LRP1B: variants seen among roughly 807,000 people sequenced by gnomAD.
The protein encoded by LRP1B is LDL receptor related protein 1B.
LRP1B carries 217 observed loss-of-function variants against 556.6 expected under a neutral mutation model. The ratio of observed to expected loss-of-function variants is 0.39; its 90% CI spans 0.35 to 0.44. The LOEUF (loss-of-function observed/expected upper bound fraction) is 0.44. Ranked by LOEUF, LRP1B falls within the 20% of genes least tolerant of loss-of-function variation. LRP1B has a pLI of 1.00. For missense variants in LRP1B, 5,053 were observed against 5,620.8 expected (o/e 0.90, Z 3.23); for synonymous variants, 2,047 against 1,865.8 (o/e 1.10, Z -2.50).
At chr2:141,511,259 A>T (rs928457019) in intron 2 of LRP1B, among the ~76,000 whole-genome samples, 4 of 152,132 alleles carry the variant, frequency 2.6e-5, no homozygotes, top group Non-Finnish European at 5.9e-5. Flanking sequence ...CTAATTAGGG[A>T]TACAATCTTT....
chr2:140,736,544 A>G (rs1433335675), intron 35 of LRP1B, among the ~76,000 whole-genome samples: 1 of 152,188 alleles, frequency 6.6e-6, no homozygotes, highest in African/African-American at 2.4e-5. Context: ...AGACCAATGG[A>G]ATAGAACAGA....
Position 140,465,358 on chromosome 2 carries a change from G to A in LRP1B, c.9626-7707C>T, listed in dbSNP as rs144664472. Among the ~76,000 whole-genome samples, 385 of 152,254 alleles carry A rather than the reference G, an allele frequency of 2.5e-3. 2 individuals are homozygous for A. The highest frequency in any genetic ancestry group is 8.9e-3 in the African/African-American group (369 of 41,570). ...GAAAAAATATCCAAACTGTATCAGT[G>A]TTCTAGGTAGTCCCAGCAAAAAGGA... is the stretch of plus-strand genomic sequence containing the variant. On this transcript the variant is annotated intron_variant, in intron 60 of 90. Transcript: ENST00000389484.
At chr2:140,701,399 C>T (rs184624878) in intron 40 of LRP1B, among the ~76,000 whole-genome samples, 2 of 151,948 alleles carry the variant, frequency 1.3e-5, no homozygotes, top group Non-Finnish European at 2.9e-5. Context: ...TATTAATATC[C>T]TACTTATGCT....
intron 27 of LRP1B, among the ~76,000 whole-genome samples, chr2:140,855,156 G>T (rs1015088407): frequency 1.3e-4 from 20 of 151,936 alleles, no homozygotes; most frequent in Non-Finnish European, 1.2e-4. Flanking sequence ...TACAATAGTG[G>T]ACGAGTTCTT....
At chr2:141,915,419 C>A (rs919690685) in intron 1 of LRP1B, among the ~76,000 whole-genome samples, 8 of 151,888 alleles carry the variant, frequency 5.3e-5, no homozygotes, top group Non-Finnish European at 1.0e-4. Context: ...ATATGGTGAA[C>A]CTTTCACCAT....
chr2:140,490,446 T>C (rs1688651566), intron 57 of LRP1B, among the ~76,000 whole-genome samples: 1 of 152,148 alleles, frequency 6.6e-6, no homozygotes, highest in African/African-American at 2.4e-5. Flanking sequence ...AGATTGTTAC[T>C]GACTACAACA....
At chr2:140,927,580 C>T (rs1694923573) in intron 20 of LRP1B, among the ~76,000 whole-genome samples, 1 of 151,762 alleles carries the variant, frequency 6.6e-6, no homozygotes, top group Non-Finnish European at 1.5e-5. Flanking sequence ...TGCTGTTCAG[C>T]CTGTTTGTTT....
intron 3 of LRP1B, among the ~76,000 whole-genome samples, chr2:141,425,407 T>A (rs1409254833): frequency 6.7e-6 from 1 of 150,186 alleles, no homozygotes; most frequent in Non-Finnish European, 1.5e-5. Context: ...TATAGCAGCA[T>A]GACTTATATT....
chr2:141,071,240 A>G lies in LRP1B; in HGVS notation c.1014-8967T>C, dbSNP rs537569857. ...AAATGTAATCCAGCATATAAACAGAACCAAAGACAAAAACCACATGATTAT... is the reference window on the plus strand; with the variant it reads ...AAATGTAATCCAGCATATAAACAGAGCCAAAGACAAAAACCACATGATTAT... On this transcript the variant is annotated intron_variant, in intron 7 of 90. Transcript: ENST00000389484. 6.6e-3 allele frequency among the ~76,000 whole-genome samples: 996 copies of G among 150,112 alleles called. 9 individuals are homozygous for G. Among genetic ancestry groups the G allele is most frequent in the African/African-American group, 0.023 (924 of 40,680 alleles).
At chr2:141,939,230 G>A (rs1700723364) in intron 1 of LRP1B, among the ~76,000 whole-genome samples, 1 of 151,824 alleles carries the variant, frequency 6.6e-6, no homozygotes, top group African/African-American at 2.4e-5. Context: ...CATCAAAATG[G>A]CATGCTTTAC....
At chr2:140,564,859 T>C (rs960284718) in intron 43 of LRP1B, among the ~76,000 whole-genome samples, 4 of 152,124 alleles carry the variant, frequency 2.6e-5, no homozygotes, top group African/African-American at 9.6e-5. Context: ...GCTTAAGATA[T>C]ACTAAGTTTT....
At chr2:140,237,177 C>T (rs1433863305) in intron 89 of LRP1B, among the ~76,000 whole-genome samples, 1 of 150,888 alleles carries the variant, frequency 6.6e-6, no homozygotes, top group African/African-American at 2.4e-5. Flanking sequence ...CTTCCTCCTC[C>T]CCTCTCCACC....
intron 3 of LRP1B, among the ~76,000 whole-genome samples, chr2:141,324,028 CCACA>C (rs57105906): frequency 0.55 from 62,112 of 112,478 alleles, 17,362 homozygotes; most frequent in Middle Eastern, 0.62. Flanking sequence ...AACAAGGAAA[CCACA>C]CACACACACA....
intron 32 of LRP1B, among the ~76,000 whole-genome samples, chr2:140,787,726 A>G (rs1324748178): frequency 6.6e-6 from 1 of 151,594 alleles, no homozygotes; most frequent in East Asian, 1.9e-4. Flanking sequence ...ATGCACCACC[A>G]TGCCCAGTTA....
intron 84 of LRP1B, among the ~76,000 whole-genome samples, chr2:140,284,632 T>TC (rs1482145509): frequency 2.0e-5 from 3 of 151,682 alleles, no homozygotes; most frequent in East Asian, 3.9e-4. Context: ...TTTATATCCT[T>TC]CCATCCTTAT....
chr2:142,130,620 G>A (rs780513385), intron 1 of LRP1B, 28 bp downstream of exon 1: 2 of 1,585,556 alleles, frequency 1.3e-6, no homozygotes, highest in Admixed American at 3.4e-5. Flanking sequence ...GAAGTCAGGG[G>A]AGGGGAGCGG....
rs146453034 is a variant in LRP1B at position 141,808,744 on chromosome 2, G to C, written c.205+1535C>G. The stretch of plus-strand genomic sequence containing the variant: ...AATAACAGTCATTCCTCATTCCCTT[G>C]CCTGTGTCCCACCCTACCTAGCCCC... On this transcript the variant is annotated intron_variant, in intron 2 of 90. Transcript: ENST00000389484. Among the ~76,000 whole-genome samples the C allele has an allele frequency of 2.9e-3, 439 of 152,016 alleles. 1 individual carries two copies. The highest frequency in any genetic ancestry group is 0.01 in the African/African-American group (416 of 41,474).
chr2:140,996,691 A>G (rs1372962470), intron 15 of LRP1B, among the ~76,000 whole-genome samples: 1 of 151,998 alleles, frequency 6.6e-6, no homozygotes, highest in African/African-American at 2.4e-5. Flanking sequence ...CAGGAAAACC[A>G]CATCCTTTCA....
chr2:140,794,089 T>C (rs1256082030), intron 32 of LRP1B, among the ~76,000 whole-genome samples: 1 of 152,088 alleles, frequency 6.6e-6, no homozygotes, highest in Admixed American at 6.5e-5. Flanking sequence ...GAATAGGAAA[T>C]ATAATTCTGA....
Sources: gnomAD v4.1 joint callset for allele counts (sites outside exome capture counted in the v4.1 genomes callset) on GRCh38, gnomAD v4.1.1 for gene constraint, MANE v1.5 for transcripts, NCBI Gene and HGNC (gene_info 2026-07-23, HGNC 2026-07-21) for gene names.